The following NSUN3 variants were observed in gnomAD, a reference collection of about 807,000 sequenced individuals.
NSUN3 encodes the protein tRNA (cytosine(34)-C(5))-methyltransferase, mitochondrial.
In NSUN3, 24 loss-of-function variants were observed where a neutral mutation model predicts 36.8. That is an observed-to-expected ratio of 0.65 (90% CI 0.47 to 0.92). The LOEUF (loss-of-function observed/expected upper bound fraction) is 0.92, where lower values mean the gene tolerates loss of function less well. Ranked by LOEUF, NSUN3 falls within the 40% of genes least tolerant of loss-of-function variation. The probability of loss-of-function intolerance (pLI) is 0.00; values close to 1 mark genes in which losing one functional copy is unlikely to be tolerated. For missense variants in NSUN3, 381 were observed against 392.8 expected, an observed-to-expected ratio of 0.97 and a Z score of 0.25; for synonymous variants, 146 against 145.2, an observed-to-expected ratio of 1.01 and a Z score of -0.04.
intron 2 of NSUN3, among the ~76,000 whole-genome samples, chr3:94,070,928 A>C (rs1024618209): frequency 6.6e-6 from 1 of 152,252 alleles, no homozygotes; most frequent in South Asian, 2.1e-4. Flanking sequence ...ATAGGTTGCT[A>C]AGTGATTTGG....
At chr3:94,064,613 G>T (rs1317006882) in intron 2 of NSUN3, 67 bp downstream of exon 2, 7 of 990,816 alleles carry the variant, frequency 7.1e-6, no homozygotes, top group Admixed American at 6.2e-5. Context: ...CCTTTTTGTG[G>T]GAGGGATGCT....
intron 5 of NSUN3, among the ~76,000 whole-genome samples, chr3:94,107,926 C>A (rs1353740450): frequency 2.0e-5 from 3 of 150,662 alleles, no homozygotes; most frequent in Non-Finnish European, 4.4e-5. Flanking sequence ...GGAAGAAAAA[C>A]CATTCTCATT....
At chr3:94,074,531 G>A (rs2077238764) in intron 2 of NSUN3, among the ~76,000 whole-genome samples, 1 of 152,152 alleles carries the variant, frequency 6.6e-6, no homozygotes, top group African/African-American at 2.4e-5. Context: ...TCCCTTGTAA[G>A]TTGTATTCCC....
intron 2 of NSUN3, among the ~76,000 whole-genome samples, chr3:94,079,752 C>G (rs1200868406): frequency 1.3e-5 from 2 of 151,926 alleles, no homozygotes; most frequent in African/African-American, 4.8e-5. Flanking sequence ...TCACGAAGTT[C>G]TCGTGCTGTG....
chr3:94,066,694 C>T (rs1198499800), intron 2 of NSUN3, among the ~76,000 whole-genome samples: 2 of 152,202 alleles, frequency 1.3e-5, no homozygotes, highest in South Asian at 2.1e-4. Flanking sequence ...AGTATGCTGT[C>T]ATCTCAAGCT....
chr3:94,099,912 A>G (rs746359322), intron 5 of NSUN3, among the ~76,000 whole-genome samples: 2 of 152,048 alleles, frequency 1.3e-5, no homozygotes, highest in Admixed American at 6.6e-5. Context: ...TTCCTCAGCT[A>G]GCTAGTTATT....
chr3:94,087,884 G>A (rs142448583), intron 3 of NSUN3, among the ~76,000 whole-genome samples: 1,670 of 152,212 alleles, frequency 0.011, 38 homozygotes, highest in African/African-American at 0.037. Flanking sequence ...GCCCAGGCTG[G>A]CCTCGAACTC....
intron 3 of NSUN3, among the ~76,000 whole-genome samples, chr3:94,091,338 T>C (rs997104271): frequency 6.6e-6 from 1 of 151,082 alleles, no homozygotes; most frequent in Non-Finnish European, 1.5e-5. Context: ...AAAAGCAAAA[T>C]AGAGAAAGAG....
At chr3:94,077,396 TA>T (rs2077250808) in intron 2 of NSUN3, among the ~76,000 whole-genome samples, 1 of 152,252 alleles carries the variant, frequency 6.6e-6, no homozygotes, top group Admixed American at 6.5e-5. Flanking sequence ...GCCTGAAATT[TA>T]ATTTTTTTTG....
In NSUN3 at chr3:94,128,353, A is replaced by G. The variant is rs1335425156; in HGVS notation, c.*1863A>G. ...AAGATGTTTTCTTTTTTAAGTTATC[A>G]TTATTAGTTTGTTTTTTTTATCTTC... On this transcript the variant is annotated 3_prime_UTR_variant, in exon 6 of 6. Coordinates refer to ENST00000314622, the MANE Select transcript of NSUN3 (RefSeq NM_022072.5). 2.0e-5 allele frequency: 3 copies of G among 152,182 alleles called. No individual in the cohort carries two copies. The East Asian group carries it at 5.8e-4, about 29-fold the overall frequency. The allele number at this position is 152,182 out of a possible 1,614,324, so 9.4% of individuals were successfully genotyped here.
chr3:94,069,634 A>G (rs1005614947), intron 2 of NSUN3, among the ~76,000 whole-genome samples: 5 of 152,272 alleles, frequency 3.3e-5, no homozygotes, highest in African/African-American at 1.2e-4. Context: ...AATGAAAATT[A>G]TACTATCAAA....
At chr3:94,085,871 A>G (rs568328143) in intron 3 of NSUN3, among the ~76,000 whole-genome samples, 2 of 151,894 alleles carry the variant, frequency 1.3e-5, no homozygotes, top group East Asian at 1.9e-4. Context: ...TTAGGTAAGC[A>G]CTCTTTAAGT....
intron 5 of NSUN3, among the ~76,000 whole-genome samples, chr3:94,103,860 G>A (rs2077375912): frequency 6.6e-6 from 1 of 152,198 alleles, no homozygotes; most frequent in South Asian, 2.1e-4. Flanking sequence ...CTTTGGGAAG[G>A]AGTTATAGCA....
chr3:94,067,509 T>C (rs1298150075), intron 2 of NSUN3, among the ~76,000 whole-genome samples: 1 of 152,214 alleles, frequency 6.6e-6, no homozygotes, highest in Non-Finnish European at 1.5e-5. Flanking sequence ...TCAACTACCC[T>C]GCCCCCTTTT....
chr3:94,088,106 C>T (rs2077299705), intron 3 of NSUN3, among the ~76,000 whole-genome samples: 2 of 152,240 alleles, frequency 1.3e-5, no homozygotes, highest in South Asian at 4.1e-4. Flanking sequence ...TTTCCTTTCT[C>T]TTCCCCTGCT....
At chr3:94,084,039 C>A in intron 2 of NSUN3, 68 bp from the exon 3 acceptor site, 1 of 1,134,004 alleles carries the variant, frequency 8.8e-7, no homozygotes. Context: ...TCACCTGATT[C>A]GTAATATAAA....
intron 2 of NSUN3, among the ~76,000 whole-genome samples, chr3:94,079,401 T>C (rs892151645): frequency 1.3e-5 from 2 of 152,172 alleles, no homozygotes; most frequent in African/African-American, 2.4e-5. Flanking sequence ...GACAATTATG[T>C]GCCTTGGGTT....
At chr3:94,076,629 G>T (rs2077247638) in intron 2 of NSUN3, 6 of 971,070 alleles carry the variant, frequency 6.2e-6, no homozygotes. Flanking sequence ...GGCCAAGAAA[G>T]CCCATAGCCT....
intron 5 of NSUN3, among the ~76,000 whole-genome samples, chr3:94,100,185 A>T (rs1368890457): frequency 1.3e-5 from 2 of 152,220 alleles, no homozygotes; most frequent in African/African-American, 4.8e-5. Context: ...GAGGTAAATA[A>T]GGGAAACTTT....
Sources: gnomAD v4.1 joint callset for allele counts (sites outside exome capture counted in the v4.1 genomes callset) on GRCh38, gnomAD v4.1.1 for gene constraint, MANE v1.5 for transcripts, NCBI Gene and HGNC (gene_info 2026-07-23, HGNC 2026-07-21) for gene names.